CDH13: variants seen among roughly 807,000 people sequenced by gnomAD.
CDH13 encodes the protein cadherin 13.
Under a neutral mutation model 63.8 loss-of-function variants are expected in CDH13, and 24 were observed. The observed-to-expected ratio is 0.38, with a 90% CI of 0.27 to 0.53. The LOEUF (loss-of-function observed/expected upper bound fraction) is 0.53, where lower values mean the gene tolerates loss of function less well. CDH13 is among the 20% of genes least tolerant of loss of function. The pLI, the probability that CDH13 is intolerant of heterozygous loss-of-function variation, is 0.85. For synonymous variants in CDH13, 503 were observed against 355.3 expected, an observed-to-expected ratio of 1.42 and a Z score of -4.67; for missense variants, 1,049 against 903.1, an observed-to-expected ratio of 1.16 and a Z score of -2.07.
At chr16:82,698,534 G>A (rs2030606519) in intron 1 of CDH13, among the ~76,000 whole-genome samples, 1 of 152,228 alleles carries the variant, frequency 6.6e-6, no homozygotes, top group South Asian at 2.1e-4. Context: ...TTTGAGGTGG[G>A]CTTTGCTCCG....
chr16:82,904,223 CT>C (rs1309962087), intron 2 of CDH13, among the ~76,000 whole-genome samples: 1 of 152,058 alleles, frequency 6.6e-6, no homozygotes, highest in East Asian at 1.9e-4. Context: ...TAAATACAAA[CT>C]TTTGTCAATC....
rs1368149279 is a variant in CDH13, at chr16:83,779,405, TCAAAAAAAAAAAAA to T, written c.1682-562_1682-549del. 1.8e-3 allele frequency among the ~76,000 whole-genome samples: 121 copies of T among 67,810 alleles called. 5 individuals carry two copies. The highest frequency in any genetic ancestry group is 6.5e-3 in the African/African-American group (103 of 15,958). 44.5% of individuals were successfully genotyped at this position (67,810 alleles called of 152,430 possible). A position where few individuals can be genotyped will look rare whatever the true frequency, so the allele number is the denominator to read the frequency against. On this transcript the variant is annotated intron_variant, in intron 11 of 13. Coordinates refer to ENST00000567109, the MANE Select transcript of CDH13 (RefSeq NM_001257.5). ...CCGGGCGACAGCGCGAGACTCCATC[TCAAAAAAAAAAAAA>T]AAAAAAAAAAAAAAAAAAAGTCTTA...
At chr16:82,627,474 C>T (rs1329522795) in intron 1 of CDH13, among the ~76,000 whole-genome samples, 1 of 152,090 alleles carries the variant, frequency 6.6e-6, no homozygotes, top group Non-Finnish European at 1.5e-5. Flanking sequence ...AACTTTGGTT[C>T]CCTCCTCCGG....
intron 7 of CDH13, among the ~76,000 whole-genome samples, chr16:83,540,600 TC>T (rs1031135450): frequency 4.6e-5 from 7 of 152,222 alleles, no homozygotes; most frequent in African/African-American, 1.7e-4. Flanking sequence ...TCTACGTTTG[TC>T]CCTTTGTTCA....
intron 7 of CDH13, among the ~76,000 whole-genome samples, chr16:83,499,187 A>G (rs947973792): frequency 1.3e-5 from 2 of 152,236 alleles, no homozygotes; most frequent in Admixed American, 1.3e-4. Flanking sequence ...ATTCTATTAA[A>G]TCATGTAAAA....
chr16:83,700,761 A>G (rs1213340238), intron 10 of CDH13, among the ~76,000 whole-genome samples: 63 of 152,214 alleles, frequency 4.1e-4, no homozygotes, highest in Non-Finnish European at 1.5e-5. Flanking sequence ...CTGCCCAGAT[A>G]TGGCCACCAT....
chr16:83,670,541 G>A (rs1201009400), intron 8 of CDH13, among the ~76,000 whole-genome samples: 1 of 152,160 alleles, frequency 6.6e-6, no homozygotes, highest in Non-Finnish European at 1.5e-5. Flanking sequence ...TCCCACCACA[G>A]AGCAGCACAG....
intron 3 of CDH13, among the ~76,000 whole-genome samples, chr16:83,090,135 C>T (rs894434461): frequency 3.9e-5 from 6 of 152,172 alleles, no homozygotes; most frequent in Non-Finnish European, 8.8e-5. Flanking sequence ...CTACAGCTTC[C>T]TCCTACCCCA....
chr16:83,242,387 A>G (rs528572421), intron 5 of CDH13, among the ~76,000 whole-genome samples: 3 of 152,196 alleles, frequency 2.0e-5, no homozygotes, highest in Non-Finnish European at 4.4e-5. Context: ...CTTGTGCCAT[A>G]TGAAAGTGCC....
intron 4 of CDH13, among the ~76,000 whole-genome samples, chr16:83,166,636 C>T (rs1436032121): frequency 6.6e-6 from 1 of 152,048 alleles, no homozygotes; most frequent in Non-Finnish European, 1.5e-5. Context: ...TCTTACCTGC[C>T]CCATTTCCAT....
chr16:83,553,545 G>GT (rs369384503), intron 7 of CDH13, among the ~76,000 whole-genome samples: 5 of 151,868 alleles, frequency 3.3e-5, no homozygotes, highest in African/African-American at 4.8e-5. Flanking sequence ...AAAGTGATGG[G>GT]TTTTTTTTGT....
chr16:83,373,828 A>T (rs1157411196), intron 6 of CDH13, among the ~76,000 whole-genome samples: 4 of 152,142 alleles, frequency 2.6e-5, no homozygotes, highest in Non-Finnish European at 4.4e-5. Flanking sequence ...AGGAAGAGTC[A>T]CTGATCTGGA....
chr16:82,831,236 G>A (rs564702794), intron 1 of CDH13, among the ~76,000 whole-genome samples: 10 of 152,280 alleles, frequency 6.6e-5, no homozygotes, highest in African/African-American at 2.4e-4. Context: ...TGCAGTCAGT[G>A]ATGGTGATTT....
intron 10 of CDH13, among the ~76,000 whole-genome samples, chr16:83,730,535 G>T (rs10514596): frequency 1.3e-5 from 2 of 152,054 alleles, no homozygotes; most frequent in Admixed American, 6.5e-5. Flanking sequence ...ATCACAATTC[G>T]ATGAAAAGTT....
At chr16:82,815,545 G>C (rs1323440600) in intron 1 of CDH13, among the ~76,000 whole-genome samples, 1 of 152,166 alleles carries the variant, frequency 6.6e-6, no homozygotes, top group Non-Finnish European at 1.5e-5. Flanking sequence ...TCAGAAACAA[G>C]CTGGTTTCAT....
intron 7 of CDH13, among the ~76,000 whole-genome samples, chr16:83,576,135 A>G (rs1905071590): frequency 6.6e-6 from 1 of 152,224 alleles, no homozygotes; most frequent in Admixed American, 6.5e-5. Context: ...AGGAAACTCC[A>G]GAGCCATTAA....
At chr16:83,415,037 AAG>A (rs751312241) in intron 6 of CDH13, among the ~76,000 whole-genome samples, 8 of 152,136 alleles carry the variant, frequency 5.3e-5, no homozygotes, top group Non-Finnish European at 1.2e-4. Context: ...AAGGGGAAAA[AAG>A]AGAGAAGATT....
At chr16:82,797,575 C>T (rs2036644383) in intron 1 of CDH13, among the ~76,000 whole-genome samples, 2 of 152,130 alleles carry the variant, frequency 1.3e-5, no homozygotes, top group Admixed American at 6.5e-5. Context: ...GTCAAGACTG[C>T]TATTTAACTA....
At chr16:83,486,387 C>T in intron 6 of CDH13, 90 bp from the exon 7 acceptor site, 1 of 1,063,964 alleles carries the variant, frequency 9.4e-7, no homozygotes, top group Non-Finnish European at 1.4e-6. Flanking sequence ...GGGCACACTG[C>T]TGCACTGCTA....
Sources: allele counts gnomAD v4.1 joint callset (sites outside exome capture counted in the v4.1 genomes callset), GRCh38; gene constraint gnomAD v4.1.1; transcripts MANE v1.5; gene names NCBI Gene and HGNC (gene_info 2026-07-23, HGNC 2026-07-21).